SUPV3L1: variants seen among roughly 807,000 people sequenced by gnomAD.
SUPV3L1 encodes the protein ATP-dependent RNA helicase SUPV3L1, mitochondrial.
Under a neutral mutation model 70.0 loss-of-function variants are expected in SUPV3L1, and 35 were observed. The observed-to-expected ratio is 0.50, with a 90% CI of 0.38 to 0.66. SUPV3L1 has a LOEUF of 0.66. Among genes scored for constraint, SUPV3L1 ranks in the 30% least tolerant of loss-of-function variants. SUPV3L1 has a pLI of 0.00. For synonymous variants in SUPV3L1, 364 were observed against 341.9 expected, an observed-to-expected ratio of 1.06 and a Z score of -0.71; for missense variants, 777 against 961.5, an observed-to-expected ratio of 0.81 and a Z score of 2.54.
At chr10:69,201,731 A>C (rs528654189) in intron 11 of SUPV3L1, among the ~76,000 whole-genome samples, 1 of 151,726 alleles carries the variant, frequency 6.6e-6, no homozygotes, top group East Asian at 1.9e-4. Context: ...AGAGATGGGA[A>C]TCTCCTTTTG....
chr10:69,207,322 C>CT (rs985060883), intron 13 of SUPV3L1, among the ~76,000 whole-genome samples: 2 of 152,022 alleles, frequency 1.3e-5, no homozygotes, highest in African/African-American at 4.8e-5. Flanking sequence ...AGGAAATCAT[C>CT]TTTTTTTGTT....
chr10:69,189,664 T>TTTTG (rs1842336517), intron 5 of SUPV3L1, among the ~76,000 whole-genome samples: 1 of 150,236 alleles, frequency 6.7e-6, no homozygotes, highest in Non-Finnish European at 1.5e-5. Flanking sequence ...TTTTTTTTTT[T>TTTTG]GAGATGGAGT....
At chr10:69,194,066 G>C (rs764271416) in intron 6 of SUPV3L1, among the ~76,000 whole-genome samples, 13 of 152,168 alleles carry the variant, frequency 8.5e-5, no homozygotes, top group Non-Finnish European at 1.3e-4. Context: ...TCACCTCCTT[G>C]TTCTGGAACT....
At chr10:69,187,798 A>G in intron 4 of SUPV3L1, 42 bp downstream of exon 4, 1 of 1,290,728 alleles carries the variant, frequency 7.7e-7, no homozygotes, top group Non-Finnish European at 1.1e-6. Flanking sequence ...TCAGTTTCTA[A>G]TCTTGGATGA....
chr10:69,187,443 C>T (rs557157358), intron 3 of SUPV3L1, 199 bp from the exon 4 acceptor site: 94 of 352,862 alleles, frequency 2.7e-4, no homozygotes, highest in African/African-American at 1.9e-3. Context: ...GCCTCAACCT[C>T]CTGGGCTCAA....
At chr10:69,207,579 G>A (rs764417981) in intron 13 of SUPV3L1, among the ~76,000 whole-genome samples, 8 of 152,148 alleles carry the variant, frequency 5.3e-5, no homozygotes, top group Non-Finnish European at 1.2e-4. Context: ...GACTCCCAGA[G>A]TGCTGGGATT....
At chr10:69,182,780 A>C (rs1289446755) in intron 1 of SUPV3L1, 2 of 700,622 alleles carry the variant, frequency 2.9e-6, no homozygotes. Context: ...CCATGTGGTT[A>C]AGGTGTCAGA....
At chr10:69,187,510 G>T (rs938595989) in intron 3 of SUPV3L1, 132 bp from the exon 4 acceptor site, 1 of 593,594 alleles carries the variant, frequency 1.7e-6, no homozygotes, top group Non-Finnish European at 2.9e-6. Flanking sequence ...GAGCTACTGT[G>T]CCCAGAGAGG....
At chr10:69,204,690 AC>A (rs1842776906) in intron 13 of SUPV3L1, among the ~76,000 whole-genome samples, 1 of 151,980 alleles carries the variant, frequency 6.6e-6, no homozygotes, top group Non-Finnish European at 1.5e-5. Context: ...ATCTTTGCAG[AC>A]TGTTTTTCAT....
chr10:69,198,764 A>T (rs904187779), intron 9 of SUPV3L1, among the ~76,000 whole-genome samples: 4 of 152,220 alleles, frequency 2.6e-5, no homozygotes, highest in African/African-American at 9.6e-5. Context: ...TGCTGCTATT[A>T]TTAGACTGTA....
chr10:69,196,042 C>T (rs929537207), intron 7 of SUPV3L1, among the ~76,000 whole-genome samples: 1 of 152,106 alleles, frequency 6.6e-6, no homozygotes, highest in African/African-American at 2.4e-5. Flanking sequence ...CCACTACACC[C>T]AGCTTATTTT....
intron 12 of SUPV3L1, 113 bp from the exon 13 acceptor site, chr10:69,202,754 T>G (rs1318454668): frequency 8.4e-7 from 1 of 1,188,434 alleles, no homozygotes; most frequent in Non-Finnish European, 1.2e-6. Context: ...CAAGCCTTTA[T>G]GGAAGTTTGT....
chr10:69,199,736 G>A (rs1329479031), intron 10 of SUPV3L1, among the ~76,000 whole-genome samples: 5 of 152,050 alleles, frequency 3.3e-5, no homozygotes, highest in Non-Finnish European at 5.9e-5. Flanking sequence ...ATTGTACTAC[G>A]TCACTTTACT....
chr10:69,186,381 T>G, intron 2 of SUPV3L1, 62 bp from the exon 3 acceptor site: 1 of 1,127,692 alleles, frequency 8.9e-7, no homozygotes, highest in Non-Finnish European at 1.3e-6. Flanking sequence ...TGGTGTGGTG[T>G]GTCTGTGTGC....
In SUPV3L1 at chr10:69,209,007, G is replaced by A. The variant is rs761937475; in HGVS notation, c.2333G>A (p.Arg778Lys). 11 of 1,563,022 alleles carry A rather than the reference G, an allele frequency of 7.0e-6. No homozygotes were observed. In the East Asian group the frequency reaches 1.6e-4, roughly 23 times the overall value. Reference sequence around the variant, plus strand: ...GGGACTCATCCAAAAGGGACGAGAAGAAAGAAGAAGGAACCTGATTCGGAC... The same window carrying A: ...GGGACTCATCCAAAAGGGACGAGAAAAAAGAAGAAGGAACCTGATTCGGAC... ...ESGTHPKGTR[R>K]KKKEPDSD The change falls in exon 15 of 15, where the codon AGA (arginine) becomes AAA (lysine). Residue 778 changes from arginine (R) to lysine (K), a missense_variant. By Grantham distance (26) the Arg-to-Lys change is conservative. Transcript: ENST00000359655.
Position 69,209,025 on chromosome 10 carries a change from A to C in SUPV3L1, c.2351A>C (p.Asp784Ala), listed in dbSNP as rs767234589. The change falls in exon 15 of 15, where the codon GAT becomes GCT. Residue 784 changes from aspartate (D) to alanine (A), a missense_variant. By Grantham distance (126) the Asp-to-Ala change is moderately radical. Around this residue, in one of 2 missense-constraint regions of SUPV3L1, gnomAD observed 619 missense variants for 823.3 expected, o/e 0.75. Coordinates refer to ENST00000359655, the MANE Select transcript of SUPV3L1 (RefSeq NM_003171.5). ...KGTRRKKKEP[D>A]SD Reference sequence around the variant, plus strand: ...ACGAGAAGAAAGAAGAAGGAACCTGATTCGGACTAGTTTTCTGTTCCTGTT... The same window carrying C: ...ACGAGAAGAAAGAAGAAGGAACCTGCTTCGGACTAGTTTTCTGTTCCTGTT... The C allele has an allele frequency of 1.3e-5, 20 of 1,546,716 alleles. No individual in the cohort carries two copies. Among genetic ancestry groups the C allele is most frequent in the Non-Finnish European group, 1.7e-5 (19 of 1,149,526 alleles).
intron 1 of SUPV3L1, among the ~76,000 whole-genome samples, chr10:69,181,547 A>G (rs1842060700): frequency 6.6e-6 from 1 of 152,014 alleles, no homozygotes. Context: ...GTGCTGGGAG[A>G]CTGTCTTTAT....
chr10:69,180,595 GTGGTGTCTGCTGGGCCGAGGC>G (rs1564696256), intron 1 of SUPV3L1, 33 bp downstream of exon 1: 15 of 1,608,334 alleles, frequency 9.3e-6, no homozygotes, highest in African/African-American at 2.7e-5. Context: ...GCGGCAGAGG[GTGGTGTCTGCTGGGCCGAGGC>G]TGGTTGGGAG....
At chr10:69,200,238 T>G (rs1589387469) in intron 10 of SUPV3L1, 42 bp from the exon 11 acceptor site, 1 of 1,548,346 alleles carries the variant, frequency 6.5e-7, no homozygotes, top group Non-Finnish European at 8.9e-7. Context: ...TATTGGAGGG[T>G]TTTTCATACA....
Sources: allele counts gnomAD v4.1 joint callset (sites outside exome capture counted in the v4.1 genomes callset), GRCh38; gene constraint gnomAD v4.1.1; regional missense constraint gnomAD v4.1.1; transcripts MANE v1.5; gene names NCBI Gene and HGNC (gene_info 2026-07-23, HGNC 2026-07-21).